The following ABHD2 variants were observed in gnomAD, a reference collection of about 807,000 sequenced individuals.
ABHD2 encodes abhydrolase domain containing 2, acylglycerol lipase, also known as monoacylglycerol lipase ABHD2.
Under a neutral mutation model 48.1 loss-of-function variants are expected in ABHD2, and 20 were observed. The observed-to-expected ratio is 0.42, with a 90% CI of 0.29 to 0.60. The LOEUF is 0.60. Among genes scored for constraint, ABHD2 ranks in the 20% least tolerant of loss-of-function variants. The pLI is 0.24. For synonymous variants in ABHD2, 209 were observed against 214.2 expected, an observed-to-expected ratio of 0.98 and a Z score of 0.21; for missense variants, 405 against 550.9, an observed-to-expected ratio of 0.74 and a Z score of 2.65.
chr15:89,153,256 G>A (rs1453258110), intron 4 of ABHD2, among the ~76,000 whole-genome samples: 1 of 152,136 alleles, frequency 6.6e-6, no homozygotes, highest in African/African-American at 2.4e-5. Context: ...CTATTTGTGT[G>A]CTTGTGTATT....
At position 89,179,123 on chromosome 15, in the gene ABHD2, C is replaced by T. The variant is rs1413696864; in HGVS notation, c.722+3128C>T. The stretch of plus-strand genomic sequence containing the variant: ...TTAGGCATATGGGTGCCAAGGAGGT[C>T]CTCAGTCAAGTGGGGGGTCCATGAG... On this transcript the variant is annotated intron_variant, in intron 6 of 10. Transcript: ENST00000352732. The surrounding 1 kb of genome is among the most constrained non-coding windows in gnomAD (Gnocchi z 4.3). Among the ~76,000 whole-genome samples, 1 of 152,150 alleles carries T rather than the reference C, an allele frequency of 6.6e-6. No individual in the cohort carries two copies. The highest frequency in any genetic ancestry group is 1.9e-4 in the East Asian group (1 of 5,190).
intron 1 of ABHD2, among the ~76,000 whole-genome samples, chr15:89,103,605 G>C (rs756055829): frequency 2.6e-5 from 4 of 152,198 alleles, no homozygotes; most frequent in Admixed American, 1.3e-4. Context: ...TCTGCCCAGA[G>C]CTGTACAGCA....
In ABHD2 at chr15:89,116,218, C is replaced by T. The variant is rs2049957395; in HGVS notation, c.-6-104C>T. 9.4e-7 allele frequency: 1 copy of T among 1,067,922 alleles called. No individual in the cohort carries two copies. Among genetic ancestry groups the T allele is most frequent in the South Asian group, 1.5e-5 (1 of 64,706 alleles). The allele number at this position is 1,067,922 out of a possible 1,614,324, so 66.2% of individuals were successfully genotyped here. On this transcript the variant is annotated intron_variant, in intron 2 of 10. Coordinates refer to ENST00000352732, the MANE Select transcript of ABHD2 (RefSeq NM_152924.5). This position sits in a 1 kb window ranked among gnomAD's most constrained non-coding sequence, Gnocchi z 4.6. ...GCGGAAACATCTGAATTGTGACACA[C>T]CGTCACTGGCAGTATCTCTTAGCCC...
intron 1 of ABHD2, among the ~76,000 whole-genome samples, chr15:89,107,310 T>C (rs1016709215): frequency 6.6e-6 from 1 of 152,156 alleles, no homozygotes; most frequent in African/African-American, 2.4e-5. Flanking sequence ...TTAGAAGATA[T>C]GGTTCCATTT....
chr15:89,148,067 C>T (rs2050525258), intron 3 of ABHD2, among the ~76,000 whole-genome samples: 3 of 144,826 alleles, frequency 2.1e-5, no homozygotes, highest in African/African-American at 2.5e-5. Context: ...AGCAGTGAGC[C>T]GAGATCGCTC....
intron 10 of ABHD2, among the ~76,000 whole-genome samples, chr15:89,194,493 A>T (rs1238623356): frequency 6.6e-6 from 1 of 152,198 alleles, no homozygotes; most frequent in Non-Finnish European, 1.5e-5. Context: ...ATTTCTCAGG[A>T]TGGCCACTTA....
the ABHD2 span, chr15:89,070,190 T>C: frequency 8.5e-5 from 13 of 152,162 alleles, no homozygotes; most frequent in Non-Finnish European, 1.6e-4. Flanking sequence ...AAAGAGACAA[T>C]GGTGAGCCAT....
chr15:89,194,010 G>T (rs1399797558), intron 10 of ABHD2, among the ~76,000 whole-genome samples: 1 of 151,994 alleles, frequency 6.6e-6, no homozygotes, highest in Non-Finnish European at 1.5e-5. Flanking sequence ...AAGATCACTT[G>T]AGTCCAGAAG....
chr15:89,086,626 G>A (rs187272019), upstream of ABHD2, among the ~76,000 whole-genome samples: 176 of 152,220 alleles, frequency 1.2e-3, no homozygotes, highest in Middle Eastern at 3.4e-3. Context: ...TGTTGCCCAG[G>A]TTGGTCTCAG....
the ABHD2 span, among the ~76,000 whole-genome samples, chr15:89,071,415 C>A: frequency 6.6e-6 from 1 of 152,072 alleles, no homozygotes; most frequent in African/African-American, 2.4e-5. Flanking sequence ...GAGCAAAACC[C>A]CGTCTCAAAA....
rs1339361156 is a variant in ABHD2 at position 89,202,049 on chromosome 15, T to C, written c.*6626T>C. On this transcript the variant is annotated 3_prime_UTR_variant, in exon 11 of 11. Coordinates refer to ENST00000352732, the MANE Select transcript of ABHD2 (RefSeq NM_152924.5). The stretch of plus-strand genomic sequence containing the variant: ...TTAAAATGCTGCCCCGAAAATACTA[T>C]ATTTTTGAGTTTGTGTTCTGAAAGC... The C allele has an allele frequency of 2.9e-6, 1 of 347,354 alleles. No individual in the cohort carries two copies. The highest frequency in any genetic ancestry group is 2.2e-5 in the African/African-American group (1 of 46,334). The allele number at this position is 347,354 out of a possible 1,614,324, so 21.5% of individuals were successfully genotyped here.
In ABHD2 at chr15:89,173,650, GTTAAGAGT is replaced by G. The variant is rs1345759842; in HGVS notation, c.539-2160_539-2153del. On this transcript the variant is annotated intron_variant, in intron 5 of 10. Coordinates refer to ENST00000352732, the MANE Select transcript of ABHD2 (RefSeq NM_152924.5). The surrounding 1 kb of genome is among the most constrained non-coding windows in gnomAD (Gnocchi z 6.5). The stretch of plus-strand genomic sequence containing the variant: ...ACAGTCTGGCATTTCACATTCCAAA[GTTAAGAGT>G]TCAAGGATCCTTCTGGACCAGGTTT... 1.3e-5 allele frequency among the ~76,000 whole-genome samples: 2 copies of G among 152,204 alleles called. No homozygotes were observed. Among genetic ancestry groups the G allele is most frequent in the African/African-American group, 4.8e-5 (2 of 41,448 alleles).
intron 3 of ABHD2, chr15:89,135,577 T>G (rs2050295226): frequency 1.3e-6 from 2 of 1,523,128 alleles, no homozygotes; most frequent in Non-Finnish European, 1.8e-6. Context: ...CTCCTCCTCA[T>G]TCTTATCCTC....
chr15:89,149,416 A>T (rs984888080), intron 3 of ABHD2, among the ~76,000 whole-genome samples: 6 of 152,190 alleles, frequency 3.9e-5, no homozygotes, highest in African/African-American at 1.4e-4. Flanking sequence ...TTTTAGATTT[A>T]CTAAGTGTCT....
Position 89,201,954 on chromosome 15 carries a change from T to C in ABHD2, c.*6531T>C, listed in dbSNP as rs1177254308. ...GTTGGCAGATCTGCTTCCAGATTGA[T>C]TTTTAGAGCACCATCACTTTCACAT... On this transcript the variant is annotated 3_prime_UTR_variant, in exon 11 of 11. Coordinates refer to ENST00000352732, the MANE Select transcript of ABHD2 (RefSeq NM_152924.5). The C allele has an allele frequency of 2.0e-6, 1 of 500,000 alleles. No homozygotes were observed. The highest frequency in any genetic ancestry group is 3.6e-6 in the Non-Finnish European group (1 of 281,660). The allele number at this position is 500,000 out of a possible 1,614,324, so 31.0% of individuals were successfully genotyped here.
At chr15:89,121,883 C>T (rs1160358162) in intron 3 of ABHD2, among the ~76,000 whole-genome samples, 2 of 152,188 alleles carry the variant, frequency 1.3e-5, no homozygotes, top group Non-Finnish European at 2.9e-5. Flanking sequence ...GGCTGGAGTG[C>T]AGTAGTGCAA....
At chr15:89,051,610 C>T in the ABHD2 span, among the ~76,000 whole-genome samples, 1 of 152,080 alleles carries the variant, frequency 6.6e-6, no homozygotes. Flanking sequence ...GGTGGATAAC[C>T]GAATCATGGG....
intron 1 of ABHD2, among the ~76,000 whole-genome samples, chr15:89,096,804 T>A (rs941239387): frequency 1.3e-5 from 2 of 152,246 alleles, no homozygotes; most frequent in African/African-American, 4.8e-5. Flanking sequence ...TACCCGTTTG[T>A]ACGTGCAGCC....
At chr15:89,078,638 T>A in the ABHD2 span, among the ~76,000 whole-genome samples, 1 of 152,170 alleles carries the variant, frequency 6.6e-6, no homozygotes, top group Non-Finnish European at 1.5e-5. Context: ...AAATTTTTTG[T>A]GGGTCCCAAA....
Sources: gnomAD v4.1 joint callset for allele counts (sites outside exome capture counted in the v4.1 genomes callset) on GRCh38, gnomAD v4.1.1 for gene constraint, Gnocchi (gnomAD v3.1) non-coding constraint, MANE v1.5 for transcripts, NCBI Gene and HGNC (gene_info 2026-07-23, HGNC 2026-07-21) for gene names.